Variants in P2RY11 observed in about 807,000 individuals in gnomAD.
P2RY11 encodes the protein purinergic receptor P2Y11.
In P2RY11, 3 loss-of-function variants were observed where a neutral mutation model predicts 2.4. The observed-to-expected ratio is 1.22, with a 90% CI of 0.56 to 3.17. P2RY11 has a LOEUF of 3.17. P2RY11 is among the 30% of genes most tolerant of loss of function. The pLI is 0.03. For synonymous variants in P2RY11, 307 were observed against 237.3 expected (o/e 1.29, Z -2.70); for missense variants, 670 against 528.2 (o/e 1.27, Z -2.63).
intron 1 of P2RY11, among the ~76,000 whole-genome samples, chr19:10,113,280 G>C (rs75025945): frequency 3.3e-5 from 5 of 152,180 alleles, no homozygotes; most frequent in African/African-American, 9.7e-5. Context: ...GGCTTTGGAC[G>C]GCACAGATCT....
rs151191595 is a variant in P2RY11 at position 10,114,475 on chromosome 19, A to G, written c.862A>G (p.Ile288Val). The G allele has an allele frequency of 1.1e-5, 17 of 1,612,092 alleles. No homozygotes were observed. In the African/African-American group the frequency reaches 1.2e-4, roughly 11 times the overall value. The change falls in exon 2 of 2, where the codon ATA (isoleucine) becomes GTA (valine). Residue 288 changes from isoleucine (I) to valine (V), a missense_variant. Transcript: ENST00000321826. ...WSTRCPSFAD[I>V]AQATAALELG... is the part of the protein sequence containing the mutation. ...CACCCGCTGCCCGAGCTTTGCAGAC[A>G]TAGCCCAGGCCACAGCAGCCCTGGA...
chr19:10,113,654 A>C lies in P2RY11; in HGVS notation c.41A>C (p.Asn14Thr), dbSNP rs2089166799. The change falls in exon 2 of 2, where the codon AAC becomes ACC. Residue 14 changes from asparagine to threonine, a missense_variant. Transcript: ENST00000321826. Reference sequence around the variant, plus strand: ...ACAGGTGCCAAGTCCTGCCCTGCCAACTTCTTGGCAGCTGCCGACGACAAA... The same window carrying C: ...ACAGGTGCCAAGTCCTGCCCTGCCACCTTCTTGGCAGCTGCCGACGACAAA... ...NVSGAKSCPANFLAAADDKLS... is the reference protein window; with the variant it reads ...NVSGAKSCPATFLAAADDKLS... The C allele has an allele frequency of 6.2e-7, 1 of 1,611,552 alleles. No individual in the cohort carries two copies. Among genetic ancestry groups the C allele is most frequent in the Non-Finnish European group, 8.5e-7 (1 of 1,177,978 alleles).
chr19:10,114,409 A>G lies in P2RY11; in HGVS notation c.796A>G (p.Ile266Val), dbSNP rs764196068. Reference protein sequence around the residue: ...LYASSYVPYHIMRVLNVDARR... With the variant: ...LYASSYVPYHVMRVLNVDARR... ...CGCCAGCTCCTATGTGCCCTACCAC[A>G]TCATGCGGGTGCTCAACGTGGATGC... The change falls in exon 2 of 2, where the codon ATC (isoleucine) becomes GTC (valine). Residue 266 changes from isoleucine (I) to valine (V), a missense_variant. By Grantham distance (29) the Ile-to-Val change is conservative. Transcript: ENST00000321826. The G allele has an allele frequency of 1.2e-6, 2 of 1,610,670 alleles. No homozygotes were observed. The highest frequency in any genetic ancestry group is 1.7e-6 in the Non-Finnish European group (2 of 1,179,902).
At chr19:10,111,829 G>A (rs1348717787) in intron 1 of P2RY11, 89 bp downstream of exon 1, 2 of 1,499,092 alleles carry the variant, frequency 1.3e-6, no homozygotes, top group Non-Finnish European at 1.8e-6. Flanking sequence ...CCTAGGTCTG[G>A]GGCTGGGCAC....
chr19:10,114,326 T>TGTGGCC lies in P2RY11; in HGVS notation c.714_715insTGGCCG (p.Met238_Thr239insTrpPro), dbSNP rs2089193247. The TGTGGCC allele has an allele frequency of 6.3e-7, 1 of 1,599,668 alleles. No homozygotes were observed. Among genetic ancestry groups the TGTGGCC allele is most frequent in the African/African-American group, 1.3e-5 (1 of 74,868 alleles). ...CGGGCCGTGCTACGCAGCCCAGGCATGACTGTGGCCGAGAAGCTGCGTGTG... is the reference window on the plus strand; with the variant it reads ...CGGGCCGTGCTACGCAGCCCAGGCATGTGGCCGACTGTGGCCGAGAAGCTGCGTGTG... On this transcript the variant is annotated inframe_insertion, in exon 2 of 2. Coordinates refer to ENST00000321826, the MANE Select transcript of P2RY11 (RefSeq NM_002566.5).
chr19:10,112,329 G>A (rs2089115758), intron 1 of P2RY11: 1 of 153,640 alleles, frequency 6.5e-6, no homozygotes, highest in South Asian at 2.0e-4. Flanking sequence ...CTGGCGTTGG[G>A]AGCAGGGAGG....
At chr19:10,112,310 T>A (rs1446299246) in intron 1 of P2RY11, 1 of 153,522 alleles carries the variant, frequency 6.5e-6, no homozygotes, top group Non-Finnish European at 1.5e-5. Context: ...CACTTCCTCC[T>A]TAAGCAGGCT....
chr19:10,115,018 G>T lies in P2RY11; in HGVS notation c.*280G>T. On this transcript the variant is annotated 3_prime_UTR_variant, in exon 2 of 2. Coordinates refer to ENST00000321826, the MANE Select transcript of P2RY11 (RefSeq NM_002566.5). ...GCAAGAACAAAAAGAACCAAGTAGA[G>T]AGAGTGGAGCTGCTTTATTGCCCTT... The T allele has an allele frequency of 6.4e-7, 1 of 1,563,808 alleles. No individual in the cohort carries two copies. Among genetic ancestry groups the T allele is most frequent in the Non-Finnish European group, 8.7e-7 (1 of 1,144,434 alleles).
chr19:10,111,811 G>T, intron 1 of P2RY11, 71 bp downstream of exon 1: 1 of 1,566,988 alleles, frequency 6.4e-7, no homozygotes, highest in South Asian at 1.1e-5. Context: ...GTGGGTATTG[G>T]TAAAACACCT....
rs1318804890 is a variant in P2RY11, at chr19:10,115,173, C to T, written c.*435C>T. 3 of 1,609,600 alleles carry T rather than the reference C, an allele frequency of 1.9e-6. No individual in the cohort carries two copies. The highest frequency in any genetic ancestry group is 8.5e-7 in the Non-Finnish European group (1 of 1,178,036). On this transcript the variant is annotated 3_prime_UTR_variant, in exon 2 of 2. Coordinates refer to ENST00000321826, the MANE Select transcript of P2RY11 (RefSeq NM_002566.5). ...GCAGGTATAAGACTTCTGGGGGCAC[C>T]CCAAGACCCCAGACACCCAAGTGGC... is the stretch of plus-strand genomic sequence containing the variant.
chr19:10,113,875 T>C lies in P2RY11; in HGVS notation c.262T>C (p.Tyr88His). Residue 88 changes from tyrosine (Y) to histidine (H), a missense_variant, in exon 2 of 2, where the codon TAC becomes CAC. Coordinates refer to ENST00000321826, the MANE Select transcript of P2RY11 (RefSeq NM_002566.5). ...CALTLPPLAA[Y>H]LYPPKHWRYG... is the part of the protein sequence containing the mutation. ...CCTGACGCTGCCCCCGCTGGCCGCC[T>C]ACCTCTATCCCCCCAAGCACTGGCG... The C allele has an allele frequency of 1.2e-6, 2 of 1,610,124 alleles. No homozygotes were observed. The highest frequency in any genetic ancestry group is 1.7e-6 in the Non-Finnish European group (2 of 1,179,324).
Position 10,111,712 on chromosome 19 carries a change from G to C in P2RY11, c.-10G>C, listed in dbSNP as rs1361395275. 2 of 1,613,620 alleles carry C rather than the reference G, an allele frequency of 1.2e-6. No individual in the cohort carries two copies. Among genetic ancestry groups the C allele is most frequent in the East Asian group, 4.5e-5 (2 of 44,890 alleles). On this transcript the variant is annotated 5_prime_UTR_variant, in exon 1 of 2. Coordinates refer to ENST00000321826, the MANE Select transcript of P2RY11 (RefSeq NM_002566.5). ...GGTAGCAGACACAGGCTGAGGATCG[G>C]CACGGGAGCATGGCAGCCAACGTCT... is the stretch of plus-strand genomic sequence containing the variant.
At position 10,114,509 on chromosome 19, in the gene P2RY11, C is replaced by T; in HGVS notation, c.896C>T (p.Pro299Leu). 1 of 1,609,714 alleles carries T rather than the reference C, an allele frequency of 6.2e-7. No homozygotes were observed. The highest frequency in any genetic ancestry group is 8.5e-7 in the Non-Finnish European group (1 of 1,177,218). The change falls in exon 2 of 2, where the codon CCC (proline) becomes CTC (leucine). Residue 299 changes from proline (P) to leucine (L), a missense_variant. Coordinates refer to ENST00000321826, the MANE Select transcript of P2RY11 (RefSeq NM_002566.5). ...AQATAALELG[P>L]YVGYQVMRGL... ...GCCACAGCAGCCCTGGAGCTGGGGC[C>T]CTACGTGGGCTACCAGGTGATGCGG... is the stretch of plus-strand genomic sequence containing the variant.
At chr19:10,113,603 G>A in intron 1 of P2RY11, 30 bp from the exon 2 acceptor site, 1 of 1,592,070 alleles carries the variant, frequency 6.3e-7, no homozygotes, top group Non-Finnish European at 8.6e-7. Context: ...GGGGGAATAG[G>A]GCTCAGCTGG....
chr19:10,115,257 C>T lies in P2RY11; in HGVS notation c.*519C>T. 1 of 1,283,634 alleles carries T rather than the reference C, an allele frequency of 7.8e-7. No homozygotes were observed. Among genetic ancestry groups the T allele is most frequent in the Non-Finnish European group, 1.1e-6 (1 of 930,056 alleles). 79.5% of individuals were successfully genotyped at this position (1,283,634 alleles called of 1,614,324 possible). ...TGTGAGGACGAAGCGGGCACGGAGC[C>T]AGATGGCCAGTCTCCAGGCCTGGTC... On this transcript the variant is annotated 3_prime_UTR_variant, in exon 2 of 2. Transcript: ENST00000321826.
chr19:10,111,804 G>A (rs1012552946), intron 1 of P2RY11, 64 bp downstream of exon 1: 22 of 1,592,376 alleles, frequency 1.4e-5, no homozygotes, highest in African/African-American at 1.3e-5. Context: ...GGGGGTAGTG[G>A]GTATTGGTAA....
At chr19:10,113,180 G>A (rs1049226070) in intron 1 of P2RY11, among the ~76,000 whole-genome samples, 5 of 152,212 alleles carry the variant, frequency 3.3e-5, no homozygotes, top group East Asian at 1.9e-4. Context: ...TCCAGCGCTC[G>A]CGGGTGCTCT....
At position 10,114,153 on chromosome 19, in the gene P2RY11, C is replaced by T. The variant is rs750739068; in HGVS notation, c.540C>T (p.Cys180=). 5.6e-6 allele frequency: 9 copies of T among 1,600,792 alleles called. No individual in the cohort carries two copies. Among genetic ancestry groups the T allele is most frequent in the Non-Finnish European group, 6.8e-6 (8 of 1,179,562 alleles). ...GGCCGCAGCAGGGGGCGGGCAACTG[C>T]AGCGTGGCCAGGCCCGAGGCCTGCA... ...LKRPQQGAGN[C]SVARPEACIK... Residue 180 remains cysteine, a synonymous_variant, in exon 2 of 2, where the codon TGC becomes TGT. Transcript: ENST00000321826.
At chr19:10,113,043 G>C (rs2089145687) in intron 1 of P2RY11, among the ~76,000 whole-genome samples, 1 of 152,128 alleles carries the variant, frequency 6.6e-6, no homozygotes, top group African/African-American at 2.4e-5. Context: ...GCGGAGCACA[G>C]AGGGTGGCAC....
Sources: allele counts gnomAD v4.1 joint callset (sites outside exome capture counted in the v4.1 genomes callset), GRCh38; gene constraint gnomAD v4.1.1; transcripts MANE v1.5; gene names NCBI Gene and HGNC (gene_info 2026-07-23, HGNC 2026-07-21).